The following FNBP1 variants were observed in gnomAD, a reference collection of about 807,000 sequenced individuals.
The protein encoded by FNBP1 is formin binding protein 1.
In FNBP1, 26 loss-of-function variants were observed where a neutral mutation model predicts 90.6. That is an observed-to-expected ratio of 0.29 (90% confidence interval 0.21 to 0.40). The LOEUF is 0.40. FNBP1 is among the 10% of genes least tolerant of loss of function. The pLI, the probability that FNBP1 is intolerant of heterozygous loss-of-function variation, is 1.00. For synonymous variants in FNBP1, 260 were observed against 265.2 expected, an observed-to-expected ratio of 0.98 and a Z score of 0.19; for missense variants, 635 against 768.0, an observed-to-expected ratio of 0.83 and a Z score of 2.05.
rs1444592156 is a variant in FNBP1, at chr9:130,043,049, GC to G, written c.-75del. ...GGTCCCCCTCCCCGGCGATCCCTTT[GC>G]CCCCCGAGATCCCCGCGACGGCGGA... On this transcript the variant is annotated 5_prime_UTR_variant, in exon 1 of 17. Transcript: ENST00000446176. 5.8e-6 allele frequency: 7 copies of G among 1,209,284 alleles called. No homozygotes were observed. The highest frequency in any genetic ancestry group is 4.2e-5 in the South Asian group (1 of 23,998). The allele number at this position is 1,209,284 out of a possible 1,614,324, so 74.9% of individuals were successfully genotyped here. A position where few individuals can be genotyped will look rare whatever the true frequency, so the allele number is the denominator to read the frequency against.
intron 4 of FNBP1, among the ~76,000 whole-genome samples, chr9:129,959,284 G>A (rs1031856187): frequency 1.3e-5 from 2 of 151,396 alleles, no homozygotes; most frequent in African/African-American, 4.9e-5. Context: ...GTGACAGAAT[G>A]AGACCCCATC....
intron 1 of FNBP1, among the ~76,000 whole-genome samples, chr9:130,004,813 C>G (rs1445917699): frequency 6.6e-6 from 1 of 152,136 alleles, no homozygotes; most frequent in Non-Finnish European, 1.5e-5. Context: ...CGCCTGTAAT[C>G]CCAGCACTTT....
chr9:129,927,176 T>G lies in FNBP1; in HGVS notation c.789+19A>C. The G allele has an allele frequency of 6.2e-7, 1 of 1,612,218 alleles. No individual in the cohort carries two copies. Among genetic ancestry groups the G allele is most frequent in the Non-Finnish European group, 8.5e-7 (1 of 1,178,570 alleles). On this transcript the variant is annotated intron_variant, in intron 8 of 16. Transcript: ENST00000446176. Reference sequence around the variant, plus strand: ...GATCTGCAAATAGTTATCAATGAAGTCCAAATGGCAATACTTACATTTTTC... The same window carrying G: ...GATCTGCAAATAGTTATCAATGAAGGCCAAATGGCAATACTTACATTTTTC...
chr9:130,021,413 A>T (rs2057813924), intron 1 of FNBP1, among the ~76,000 whole-genome samples: 1 of 152,212 alleles, frequency 6.6e-6, no homozygotes, highest in Non-Finnish European at 1.5e-5. Flanking sequence ...ACTCACTGCA[A>T]ATACCATTTT....
chr9:130,014,511 C>T (rs184630304), intron 1 of FNBP1, among the ~76,000 whole-genome samples: 48 of 152,232 alleles, frequency 3.2e-4, no homozygotes, highest in African/African-American at 1.1e-3. Flanking sequence ...CTCGGCCCCC[C>T]AAAGTGCTGG....
chr9:130,009,674 G>A (rs2056280946), intron 1 of FNBP1, among the ~76,000 whole-genome samples: 1 of 152,062 alleles, frequency 6.6e-6, no homozygotes, highest in Non-Finnish European at 1.5e-5. Context: ...TGGTGGCATG[G>A]GCCTGTAGTC....
At chr9:129,941,721 T>G (rs1189202096) in intron 6 of FNBP1, among the ~76,000 whole-genome samples, 1 of 152,080 alleles carries the variant, frequency 6.6e-6, no homozygotes, top group Non-Finnish European at 1.5e-5. Context: ...CACCTTGGCC[T>G]CCCAAAGTGT....
intron 12 of FNBP1, among the ~76,000 whole-genome samples, chr9:129,907,489 T>C (rs1319922421): frequency 6.6e-6 from 1 of 152,112 alleles, no homozygotes; most frequent in Admixed American, 6.5e-5. Flanking sequence ...TTTGTGCTTT[T>C]TTCTTGGAGA....
At chr9:130,053,813 A>T in the FNBP1 span, 9 of 963,874 alleles carry the variant, frequency 9.3e-6, no homozygotes, top group Non-Finnish European at 1.2e-5. Context: ...CTCCAGGAAA[A>T]CGACCACAGG....
chr9:129,970,952 T>C (rs1239568350), intron 4 of FNBP1, among the ~76,000 whole-genome samples: 8 of 152,152 alleles, frequency 5.3e-5, no homozygotes, highest in Non-Finnish European at 1.2e-4. Flanking sequence ...AGTGGTGCAA[T>C]CTTGGCTCAC....
chr9:129,985,391 C>T (rs186091401), intron 2 of FNBP1, among the ~76,000 whole-genome samples: 1 of 152,296 alleles, frequency 6.6e-6, no homozygotes, highest in East Asian at 1.9e-4. Context: ...TCACACTTTA[C>T]AGATGAAAAT....
chr9:129,899,793 A>AG (rs1564262723), intron 15 of FNBP1, among the ~76,000 whole-genome samples, 172 bp downstream of exon 15: 5 of 127,124 alleles, frequency 3.9e-5, no homozygotes, highest in Non-Finnish European at 8.4e-5. Flanking sequence ...AGGGAAGGGA[A>AG]GGAAGGAAGG....
chr9:129,893,440 T>TA (rs34814750), intron 16 of FNBP1, among the ~76,000 whole-genome samples: 39,279 of 128,176 alleles, frequency 0.31, 6,412 homozygotes, highest in Non-Finnish European at 0.39. Context: ...CTGTCTTTAC[T>TA]AAAAAAAAAA....
chr9:129,901,046 CTTAAAAA>C (rs11277323), intron 13 of FNBP1, among the ~76,000 whole-genome samples: 84,771 of 151,210 alleles, frequency 0.56, 23,988 homozygotes, highest in East Asian at 0.78. Flanking sequence ...GAAACTTGTA[CTTAAAAA>C]TTAAAGTAGA....
chr9:129,943,365 G>A (rs939817523), intron 6 of FNBP1, among the ~76,000 whole-genome samples: 2 of 143,904 alleles, frequency 1.4e-5, no homozygotes, highest in Admixed American at 6.9e-5. Context: ...TGGCAAGTAT[G>A]TAGAGCAATC....
At chr9:129,923,723 T>A in intron 10 of FNBP1, 121 bp downstream of exon 10, 1 of 1,131,440 alleles carries the variant, frequency 8.8e-7, no homozygotes, top group Non-Finnish European at 1.2e-6. Context: ...TTTTTTTTTT[T>A]TAACTTTTTT....
chr9:129,892,418 A>ACAC (rs1396983965), intron 16 of FNBP1, among the ~76,000 whole-genome samples: 8 of 107,712 alleles, frequency 7.4e-5, no homozygotes, highest in Admixed American at 9.8e-5. Context: ...CACACACACA[A>ACAC]AAAGGTTGAC....
At chr9:129,895,755 G>T (rs1390793586) in intron 16 of FNBP1, 83 bp downstream of exon 16, 31 of 1,442,736 alleles carry the variant, frequency 2.1e-5, no homozygotes, top group Admixed American at 5.6e-5. Context: ...GGAACTGCCT[G>T]TAACAGTCAT....
chr9:130,019,755 A>G (rs968081616), intron 1 of FNBP1, among the ~76,000 whole-genome samples: 1 of 152,092 alleles, frequency 6.6e-6, no homozygotes, highest in African/African-American at 2.4e-5. Context: ...CTTATTTATT[A>G]TTTTTTATTT....
Sources: allele counts gnomAD v4.1 joint callset (sites outside exome capture counted in the v4.1 genomes callset), GRCh38; gene constraint gnomAD v4.1.1; transcripts MANE v1.5; gene names NCBI Gene and HGNC (gene_info 2026-07-23, HGNC 2026-07-21).